The following LINGO1 variants were observed in gnomAD, a reference collection of about 807,000 sequenced individuals.
LINGO1 encodes leucine rich repeat and Ig domain containing 1, also known as leucine-rich repeat and immunoglobulin-like domain-containing nogo receptor-interacting protein 1.
In LINGO1, 11 loss-of-function variants were observed where a neutral mutation model predicts 37.3. That is an observed-to-expected ratio of 0.29 (90% CI 0.19 to 0.49). LINGO1 has a LOEUF of 0.49. Ranked by LOEUF, LINGO1 falls within the 20% of genes least tolerant of loss-of-function variation. The pLI is 0.99. For missense variants in LINGO1, 585 were observed against 878.2 expected, an observed-to-expected ratio of 0.67 and a Z score of 4.22; for synonymous variants, 387 against 403.0, an observed-to-expected ratio of 0.96 and a Z score of 0.48.
At chr15:77,805,784 G>A (rs2076954865) in intron 1 of LINGO1, among the ~76,000 whole-genome samples, 1 of 152,196 alleles carries the variant, frequency 6.6e-6, no homozygotes. Context: ...GCTTAAAAAT[G>A]GGAACAAGTG....
intron 3 of LINGO1, chr15:77,652,022 G>A (rs935925326): frequency 6.6e-6 from 1 of 152,152 alleles, no homozygotes; most frequent in African/African-American, 2.4e-5. Flanking sequence ...CATCCCATTC[G>A]TGCCAGAGCC....
chr15:77,703,911 T>C (rs2075816164), intron 2 of LINGO1, among the ~76,000 whole-genome samples: 1 of 152,226 alleles, frequency 6.6e-6, no homozygotes. Context: ...AAGAAGATTC[T>C]ATGGGGGACC....
intron 2 of LINGO1, among the ~76,000 whole-genome samples, chr15:77,720,419 C>A (rs866069875): frequency 2.0e-5 from 3 of 152,382 alleles, no homozygotes; most frequent in Middle Eastern, 3.4e-3. Context: ...GTGCCTGCCA[C>A]CAGGCCACCC....
chr15:77,676,110 C>T (rs911704235), intron 3 of LINGO1, among the ~76,000 whole-genome samples: 1 of 152,232 alleles, frequency 6.6e-6, no homozygotes, highest in Non-Finnish European at 1.5e-5. Flanking sequence ...GGACTACTGC[C>T]CCAGACCCCA....
intron 1 of LINGO1, among the ~76,000 whole-genome samples, chr15:77,770,148 A>G (rs1219680692): frequency 1.3e-5 from 2 of 152,090 alleles, no homozygotes; most frequent in Non-Finnish European, 2.9e-5. Context: ...TCCCAGGCTC[A>G]CTCCAGAGCA....
At position 77,614,014 on chromosome 15, in the gene LINGO1, G is replaced by A. The variant is rs377507891; in HGVS notation, c.*30C>T. 19 of 1,534,380 alleles carry A rather than the reference G, an allele frequency of 1.2e-5. 1 individual carries two copies. In the South Asian group the frequency reaches 1.6e-4, roughly 13 times the overall value. ...GCCAGGCCCCTTCCCCTGCCCGGCCGCCCGGGGGTCCCTGCCCCCCGCCCC... is the reference window on the plus strand; with the variant it reads ...GCCAGGCCCCTTCCCCTGCCCGGCCACCCGGGGGTCCCTGCCCCCCGCCCC... On this transcript the variant is annotated 3_prime_UTR_variant, in exon 2 of 2. Transcript: ENST00000355300.
chr15:77,747,779 G>A (rs767948398), intron 1 of LINGO1, among the ~76,000 whole-genome samples: 5 of 152,214 alleles, frequency 3.3e-5, no homozygotes, highest in Non-Finnish European at 5.9e-5. Flanking sequence ...GGGAAACATC[G>A]TTCCGCTGGG....
chr15:77,789,645 T>C (rs2076802902), upstream of LINGO1, among the ~76,000 whole-genome samples: 1 of 152,150 alleles, frequency 6.6e-6, no homozygotes, highest in East Asian at 1.9e-4. Context: ...AAATATTGTA[T>C]GGAGAACAAT....
At chr15:77,751,665 C>T (rs2076372698) in intron 1 of LINGO1, among the ~76,000 whole-genome samples, 1 of 152,170 alleles carries the variant, frequency 6.6e-6, no homozygotes, top group Non-Finnish European at 1.5e-5. Flanking sequence ...CCCACTAGCC[C>T]CAAAGCCTAA....
intron 1 of LINGO1, among the ~76,000 whole-genome samples, chr15:77,745,257 T>C (rs1190504322): frequency 6.6e-6 from 1 of 151,578 alleles, no homozygotes; most frequent in African/African-American, 2.4e-5. Context: ...AAACTCCGTC[T>C]CTACTAAAAA....
At chr15:77,686,132 T>C (rs1293497690) in intron 2 of LINGO1, among the ~76,000 whole-genome samples, 1 of 152,016 alleles carries the variant, frequency 6.6e-6, no homozygotes, top group Non-Finnish European at 1.5e-5. Context: ...AGGCAGAAGA[T>C]CCTCCTTTCT....
intron 3 of LINGO1, among the ~76,000 whole-genome samples, chr15:77,657,208 G>A (rs1330245641): frequency 1.3e-5 from 2 of 152,158 alleles, no homozygotes; most frequent in Non-Finnish European, 2.9e-5. Flanking sequence ...GCTCAGACAG[G>A]GATGCCTGGG....
At chr15:77,763,971 G>A (rs931935553) in intron 1 of LINGO1, among the ~76,000 whole-genome samples, 2 of 152,158 alleles carry the variant, frequency 1.3e-5, no homozygotes, top group African/African-American at 4.8e-5. Flanking sequence ...ACCTCGGCTG[G>A]AGCTGAGCTT....
intron 1 of LINGO1, among the ~76,000 whole-genome samples, chr15:77,631,006 T>C (rs1359967452): frequency 6.6e-6 from 1 of 152,206 alleles, no homozygotes; most frequent in Admixed American, 6.5e-5. Flanking sequence ...AGCTCCTCCC[T>C]GGCTTATACA....
At chr15:77,816,410 A>C (rs2077048261) in intron 1 of LINGO1, among the ~76,000 whole-genome samples, 1 of 152,232 alleles carries the variant, frequency 6.6e-6, no homozygotes, top group South Asian at 2.1e-4. Context: ...GGTAGCCCTC[A>C]GCCCCCACAA....
intron 1 of LINGO1, among the ~76,000 whole-genome samples, chr15:77,625,359 C>G (rs1318076651): frequency 1.3e-5 from 2 of 152,196 alleles, no homozygotes; most frequent in Non-Finnish European, 2.9e-5. Flanking sequence ...TTCATTTAAT[C>G]TCACACCAAC....
chr15:77,674,708 C>G lies in LINGO1; in HGVS notation c.-13+2381G>C, dbSNP rs114814551. ...TGGTCTTTACTTAAATGCCACCTCT[C>G]GAAGAGACCTTCCATGACGACCATG... On this transcript the variant is annotated intron_variant, in intron 3 of 3. Coordinates refer to the LINGO1 transcript ENST00000559893. Among the ~76,000 whole-genome samples, 772 of 152,076 alleles carry G rather than the reference C, an allele frequency of 5.1e-3. 6 individuals carry two copies. The highest frequency in any genetic ancestry group is 0.018 in the African/African-American group (743 of 41,472).
intron 1 of LINGO1, among the ~76,000 whole-genome samples, chr15:77,626,616 C>A (rs147482754): frequency 6.6e-6 from 1 of 152,332 alleles, no homozygotes; most frequent in Non-Finnish European, 1.5e-5. Context: ...GGGGGAGGAA[C>A]TGGCACCTCT....
At chr15:77,634,459 A>C (rs1596022333), upstream of LINGO1, 5 of 370,352 alleles carry the variant, frequency 1.4e-5, no homozygotes, top group Middle Eastern at 3.8e-4. Context: ...CTGTACGTTC[A>C]CCCTCCAGCA....
Sources: gnomAD v4.1 joint callset for allele counts (sites outside exome capture counted in the v4.1 genomes callset) on GRCh38, gnomAD v4.1.1 for gene constraint, MANE v1.5 for transcripts, NCBI Gene and HGNC (gene_info 2026-07-23, HGNC 2026-07-21) for gene names.